The following ZIC4 variants were observed in gnomAD, a reference collection of about 807,000 sequenced individuals.
ZIC4 encodes Zic family zinc finger 4.
In ZIC4, 15 loss-of-function variants were observed where a neutral mutation model predicts 28.8. The observed-to-expected ratio is 0.52, with a 90% confidence interval of 0.35 to 0.80. The LOEUF is 0.80. Ranked by LOEUF, ZIC4 falls within the 30% of genes least tolerant of loss-of-function variation. The probability of loss-of-function intolerance (pLI) is 0.01; values close to 1 mark genes in which losing one functional copy is unlikely to be tolerated. For missense variants in ZIC4, 512 were observed against 467.1 expected, an observed-to-expected ratio of 1.10 and a Z score of -0.89; for synonymous variants, 220 against 198.1, an observed-to-expected ratio of 1.11 and a Z score of -0.93.
At chr3:147,390,823 G>A (rs1382757656) in intron 4 of ZIC4, 108 bp downstream of exon 4, 2 of 1,342,540 alleles carry the variant, frequency 1.5e-6, no homozygotes, top group South Asian at 1.5e-5. Context: ...CACAGAGGCA[G>A]CCCTAATACC....
At chr3:147,403,952 G>C (rs1268921260) in intron 1 of ZIC4, 1 of 1,536,148 alleles carries the variant, frequency 6.5e-7, no homozygotes, top group Admixed American at 2.0e-5. Context: ...GGAGGCAGGG[G>C]GGTAGACTCA....
At chr3:147,397,952 C>T (rs1429116458) in intron 2 of ZIC4, among the ~76,000 whole-genome samples, 1 of 152,124 alleles carries the variant, frequency 6.6e-6, no homozygotes, top group Non-Finnish European at 1.5e-5. Context: ...CAGGCCCCTC[C>T]TCCCCGGTGT....
intron 2 of ZIC4, among the ~76,000 whole-genome samples, chr3:147,400,188 T>TA (rs2087136516): frequency 6.6e-6 from 1 of 152,142 alleles, no homozygotes; most frequent in Admixed American, 6.5e-5. Context: ...AAAGAGGCAT[T>TA]TTTTTCTCCT....
At chr3:147,389,586 A>AG (rs1181708075) in intron 4 of ZIC4, among the ~76,000 whole-genome samples, 1 of 151,706 alleles carries the variant, frequency 6.6e-6, no homozygotes, top group Non-Finnish European at 1.5e-5. Flanking sequence ...AGATGGGGGG[A>AG]GGGGGGAAAA....
At chr3:147,397,647 C>T (rs9874673) in intron 2 of ZIC4, among the ~76,000 whole-genome samples, 9,094 of 152,046 alleles carry the variant, frequency 0.06, 339 homozygotes, top group South Asian at 0.094. Context: ...GCATCGTGTG[C>T]GCAGAGATGG....
intron 1 of ZIC4, chr3:147,405,649 G>A (rs977349119): frequency 2.8e-6 from 2 of 709,950 alleles, no homozygotes; most frequent in Non-Finnish European, 4.7e-6. Flanking sequence ...GTTCGCATTG[G>A]AGATAAAGAA....
intron 3 of ZIC4, chr3:147,393,019 A>C (rs1289254225): frequency 3.8e-5 from 3 of 78,918 alleles, no homozygotes. Flanking sequence ...CTTCTCTTTC[A>C]AAAAAAAAAA....
At chr3:147,388,940 TAGAA>T in intron 4 of ZIC4, 81 bp from the exon 5 acceptor site, 4 of 759,824 alleles carry the variant, frequency 5.3e-6, no homozygotes, top group Middle Eastern at 4.6e-4. Flanking sequence ...TAGATTGAGA[TAGAA>T]AGCAAAATGG....
chr3:147,394,115 T>TC (rs1296526733), intron 3 of ZIC4, among the ~76,000 whole-genome samples: 1 of 142,612 alleles, frequency 7.0e-6, no homozygotes, highest in Non-Finnish European at 1.5e-5. Context: ...ATATTTTTTT[T>TC]CCCTCTCTCT....
chr3:147,388,787 A>G lies in ZIC4; in HGVS notation c.*72T>C. On this transcript the variant is annotated 3_prime_UTR_variant, in exon 5 of 5. Coordinates refer to ENST00000383075, the MANE Select transcript of ZIC4 (RefSeq NM_032153.6). The stretch of plus-strand genomic sequence containing the variant: ...CACTGCTTTGTGCGCGGGCCCTTTG[A>G]TGTAGCAGGCGCGAGATGCGGGGCG... 2.6e-6 allele frequency: 2 copies of G among 763,770 alleles called. No homozygotes were observed. Among genetic ancestry groups the G allele is most frequent in the Non-Finnish European group, 4.8e-6 (2 of 412,826 alleles). 47.3% of individuals were successfully genotyped at this position (763,770 alleles called of 1,614,324 possible).
intron 3 of ZIC4, among the ~76,000 whole-genome samples, chr3:147,394,378 T>A (rs1024455044): frequency 1.3e-5 from 2 of 150,658 alleles, no homozygotes; most frequent in African/African-American, 4.9e-5. Context: ...GCTTCTCTGC[T>A]GTAGGTCGAC....
intron 1 of ZIC4, chr3:147,404,348 G>A (rs1252328102): frequency 8.0e-7 from 1 of 1,245,298 alleles, no homozygotes; most frequent in Non-Finnish European, 1.0e-6. Flanking sequence ...ATATTGCAGA[G>A]ATTGGACTAG....
Position 147,396,240 on chromosome 3 carries a change from G to A in ZIC4, c.300C>T (p.Gly100=), listed in dbSNP as rs1449680828. 2 of 1,613,664 alleles carry A rather than the reference G, an allele frequency of 1.2e-6. No individual in the cohort carries two copies. Among genetic ancestry groups the A allele is most frequent in the Admixed American group, 1.7e-5 (1 of 60,012 alleles). Reference sequence around the variant, plus strand: ...CAGCGAGGTTCACCGTCAGGTTCATGCCCCCGTAGCCATGCAGGGCTGCGG... The same window carrying A: ...CAGCGAGGTTCACCGTCAGGTTCATACCCCCGTAGCCATGCAGGGCTGCGG... The part of the protein sequence containing the change: ...AAAAALHGYG[G]MNLTVNLAAP... Residue 100 remains glycine (G), a synonymous_variant, in exon 3 of 5, where the codon GGC becomes GGT. Transcript: ENST00000383075. The surrounding 1 kb of genome is among the most constrained non-coding windows in gnomAD (Gnocchi z 4.2).
At chr3:147,405,578 G>A (rs1464721160) in intron 1 of ZIC4, 3 of 1,176,500 alleles carry the variant, frequency 2.5e-6, no homozygotes, top group Non-Finnish European at 3.7e-6. Flanking sequence ...CCTGGGTCTA[G>A]GCTAGGGGCC....
rs2087061891 is a variant in ZIC4, at chr3:147,396,973, T to C, written c.71-504A>G. The stretch of plus-strand genomic sequence containing the variant: ...TGGCTAGGAGAGGGCGGCCGGCTGC[T>C]TGCCGACCCACGCTCCCCGGAGCTC... On this transcript the variant is annotated intron_variant, in intron 2 of 4. Coordinates refer to ENST00000383075, the MANE Select transcript of ZIC4 (RefSeq NM_032153.6). This position sits in a 1 kb window ranked among gnomAD's most constrained non-coding sequence, Gnocchi z 4.2. 2 of 152,598 alleles carry C rather than the reference T, an allele frequency of 1.3e-5. No individual in the cohort carries two copies. Among genetic ancestry groups the C allele is most frequent in the Admixed American group, 6.5e-5 (1 of 15,288 alleles). The allele number at this position is 152,598 out of a possible 1,614,324, so 9.5% of individuals were successfully genotyped here.
chr3:147,405,537 C>A, intron 1 of ZIC4: 6 of 1,488,964 alleles, frequency 4.0e-6, no homozygotes, highest in East Asian at 2.5e-5. Flanking sequence ...CAGCTCTATT[C>A]CCTCCTCATT....
intron 4 of ZIC4, chr3:147,389,067 G>T: frequency 1.7e-6 from 1 of 598,248 alleles, no homozygotes; most frequent in Non-Finnish European, 3.0e-6. Context: ...TAGTGGTGGG[G>T]TTGGTGTTTC....
chr3:147,388,885 A>G, intron 4 of ZIC4, 26 bp from the exon 5 acceptor site: 1 of 779,888 alleles, frequency 1.3e-6, no homozygotes. Flanking sequence ...GAAAAATTAA[A>G]GGCGATTAGT....
rs911031790 is a variant in ZIC4, at chr3:147,388,242, C to G, written c.*617G>C. 6.5e-6 allele frequency: 1 copy of G among 152,956 alleles called. No individual in the cohort carries two copies. The highest frequency in any genetic ancestry group is 2.4e-5 in the African/African-American group (1 of 41,446). The allele number at this position is 152,956 out of a possible 1,614,324, so 9.5% of individuals were successfully genotyped here. A position where few individuals can be genotyped will look rare whatever the true frequency, so the allele number is the denominator to read the frequency against. On this transcript the variant is annotated 3_prime_UTR_variant, in exon 5 of 5. Transcript: ENST00000383075. The stretch of plus-strand genomic sequence containing the variant: ...GTGTGCCGCCTTTGAAGCGGCCGCT[C>G]CCCGCGCGTATTTCCATGGCGAGCC...
Sources: gnomAD v4.1 joint callset for allele counts (sites outside exome capture counted in the v4.1 genomes callset) on GRCh38, gnomAD v4.1.1 for gene constraint, Gnocchi (gnomAD v3.1) non-coding constraint, MANE v1.5 for transcripts, NCBI Gene and HGNC (gene_info 2026-07-23, HGNC 2026-07-21) for gene names.